Variants in TTC23 observed in about 807,000 individuals in gnomAD.
TTC23 encodes the protein tetratricopeptide repeat protein 23.
In TTC23, 58 loss-of-function variants were observed where a neutral mutation model predicts 55.1. That is an observed-to-expected ratio of 1.05 (90% CI 0.85 to 1.31). TTC23 has a LOEUF of 1.31. Ranked by LOEUF, TTC23 falls within the 50% of genes most tolerant of loss-of-function variation. The pLI is 0.00. For synonymous variants in TTC23, 203 were observed against 199.9 expected, an observed-to-expected ratio of 1.02 and a Z score of -0.13; for missense variants, 516 against 534.4, an observed-to-expected ratio of 0.97 and a Z score of 0.34.
chr15:99,165,940 G>GAAA (rs1456336832), intron 10 of TTC23, among the ~76,000 whole-genome samples: 2 of 152,182 alleles, frequency 1.3e-5, no homozygotes, highest in African/African-American at 4.8e-5. Context: ...TTTTCTGGCT[G>GAAA]ATTGGGAGTC....
chr15:99,235,227 G>C (rs2079216539), intron 3 of TTC23, 147 bp from the exon 4 acceptor site: 3 of 152,034 alleles, frequency 2.0e-5, no homozygotes, highest in African/African-American at 7.2e-5. Context: ...CAGCCTGAGA[G>C]ACAGAGGAAG....
chr15:99,197,033 T>C (rs1306868216), intron 9 of TTC23, among the ~76,000 whole-genome samples: 2 of 152,184 alleles, frequency 1.3e-5, no homozygotes, highest in Non-Finnish European at 1.5e-5. Context: ...TCAGTACCTT[T>C]TGTAACTGCC....
Position 99,139,295 on chromosome 15 carries a change from AGT to A in TTC23, c.1226+20_1226+21del. ...AATGGAAAGGGAATGAGATAGAGAA[AGT>A]GTGAGGGACGCCAACTCACGTGGAC... On this transcript the variant is annotated intron_variant, in intron 13 of 13. Transcript: ENST00000394132. The A allele has an allele frequency of 6.2e-7, 1 of 1,608,420 alleles. No individual in the cohort carries two copies. The highest frequency in any genetic ancestry group is 8.5e-7 in the Non-Finnish European group (1 of 1,179,788).
intron 9 of TTC23, among the ~76,000 whole-genome samples, chr15:99,177,306 T>G (rs1207216877): frequency 6.6e-6 from 1 of 152,244 alleles, no homozygotes; most frequent in East Asian, 1.9e-4. Context: ...ATGACTTTTC[T>G]TATTACAGAA....
chr15:99,246,808 T>C (rs772840695), intron 1 of TTC23, among the ~76,000 whole-genome samples: 2 of 152,082 alleles, frequency 1.3e-5, no homozygotes, highest in Non-Finnish European at 2.9e-5. Flanking sequence ...TAATCCTAGC[T>C]ACTCGGGAGG....
At chr15:99,176,902 C>G (rs1001637868) in intron 9 of TTC23, among the ~76,000 whole-genome samples, 7 of 152,160 alleles carry the variant, frequency 4.6e-5, no homozygotes, top group Non-Finnish European at 1.0e-4. Flanking sequence ...GCCATTCCCC[C>G]CACCCTAGCC....
intron 9 of TTC23, among the ~76,000 whole-genome samples, chr15:99,190,286 T>G (rs74984921): frequency 0.1 from 15,531 of 150,666 alleles, 1,069 homozygotes; most frequent in East Asian, 0.28. Context: ...TTTTGTTTTT[T>G]TTTTTAGATG....
In TTC23 at chr15:99,161,369, G is replaced by A. The variant is rs539083472; in HGVS notation, c.993+371C>T. Among the ~76,000 whole-genome samples, 9 of 152,246 alleles carry A rather than the reference G, an allele frequency of 5.9e-5. No individual in the cohort carries two copies. The South Asian group carries it at 6.2e-4, about 11-fold the overall frequency. On this transcript the variant is annotated intron_variant, in intron 11 of 13. Transcript: ENST00000394132. The stretch of plus-strand genomic sequence containing the variant: ...ACAACTGAGCTGTAACTTCTGCACC[G>A]TATAGTTTTCCTTAGACATGCAAAC...
chr15:99,164,124 C>T (rs1266942745), intron 10 of TTC23, among the ~76,000 whole-genome samples: 2 of 152,192 alleles, frequency 1.3e-5, no homozygotes, highest in South Asian at 2.1e-4. Context: ...GAAACCAGCA[C>T]AGAAACTAGT....
chr15:99,241,847 C>T (rs192670853), intron 2 of TTC23, among the ~76,000 whole-genome samples: 6 of 152,218 alleles, frequency 3.9e-5, no homozygotes, highest in African/African-American at 1.4e-4. Flanking sequence ...AATAAAAAAC[C>T]TCATCAATCA....
chr15:99,153,461 A>G (rs2151872657), intron 12 of TTC23, among the ~76,000 whole-genome samples: 1 of 152,338 alleles, frequency 6.6e-6, no homozygotes, highest in South Asian at 2.1e-4. Context: ...CAGAAAAATC[A>G]TAAGAGAAAA....
Position 99,223,554 on chromosome 15 carries a change from G to T in TTC23, c.181-1690C>A, listed in dbSNP as rs111784083. ...GGACTTCCAGCCTCCAGAACTGTGAGGAAATAAACTCTGTTCTTTAAGCCA... is the reference window on the plus strand; with the variant it reads ...GGACTTCCAGCCTCCAGAACTGTGATGAAATAAACTCTGTTCTTTAAGCCA... On this transcript the variant is annotated intron_variant, in intron 5 of 13. Coordinates refer to ENST00000394132, the MANE Select transcript of TTC23 (RefSeq NM_001288615.3). Among the ~76,000 whole-genome samples the T allele has an allele frequency of 2.2e-3, 342 of 152,312 alleles. 5 individuals carry two copies. Among genetic ancestry groups the T allele is most frequent in the African/African-American group, 7.7e-3 (320 of 41,570 alleles).
intron 10 of TTC23, among the ~76,000 whole-genome samples, chr15:99,171,171 C>CCTTTAAGG (rs1359477493): frequency 6.6e-6 from 1 of 152,244 alleles, no homozygotes. Context: ...TTAGCATTGA[C>CCTTTAAGG]TCACCTTTAA....
intron 8 of TTC23, among the ~76,000 whole-genome samples, chr15:99,208,188 G>C (rs1288885421): frequency 6.6e-6 from 1 of 151,986 alleles, no homozygotes; most frequent in Non-Finnish European, 1.5e-5. Context: ...CAAAAATACA[G>C]ATGGGAAAAA....
At chr15:99,187,027 C>A (rs2074731800) in intron 9 of TTC23, among the ~76,000 whole-genome samples, 1 of 151,848 alleles carries the variant, frequency 6.6e-6, no homozygotes, top group African/African-American at 2.4e-5. Context: ...AAAAGAAGAA[C>A]AAAAGTTAGA....
Position 99,206,839 on chromosome 15 carries a change from C to T in TTC23, c.582-6743G>A, listed in dbSNP as rs72756878. ...CTTGGATTTTTATTATTTTTTTATC[C>T]GAATTTGAGGTTTAGTTTGCTCTTG... On this transcript the variant is annotated intron_variant, in intron 8 of 13. Transcript: ENST00000394132. Among the ~76,000 whole-genome samples the T allele has an allele frequency of 5.7e-3, 865 of 151,514 alleles. 7 individuals are homozygous for T. Among genetic ancestry groups the T allele is most frequent in the Non-Finnish European group, 8.4e-3 (572 of 67,880 alleles).
intron 12 of TTC23, among the ~76,000 whole-genome samples, chr15:99,148,908 G>C (rs2069329099): frequency 6.6e-6 from 1 of 152,192 alleles, no homozygotes; most frequent in African/African-American, 2.4e-5. Context: ...CTGTGTGTGT[G>C]CCTTGTTTCC....
intron 8 of TTC23, among the ~76,000 whole-genome samples, chr15:99,211,170 T>A: frequency 6.6e-6 from 1 of 151,788 alleles, no homozygotes; most frequent in East Asian, 1.9e-4. Context: ...AGGTCAGGAG[T>A]TTGAGACCAG....
intron 8 of TTC23, among the ~76,000 whole-genome samples, chr15:99,215,399 T>C (rs1459873169): frequency 3.3e-5 from 5 of 152,082 alleles, no homozygotes; most frequent in Non-Finnish European, 5.9e-5. Flanking sequence ...AATTAGATTC[T>C]AATAAATCAG....
Sources: allele counts gnomAD v4.1 joint callset (sites outside exome capture counted in the v4.1 genomes callset), GRCh38; gene constraint gnomAD v4.1.1; transcripts MANE v1.5; gene names NCBI Gene and HGNC (gene_info 2026-07-23, HGNC 2026-07-21).